NIPBL: variants seen among roughly 807,000 people sequenced by gnomAD.
NIPBL encodes NIPBL cohesin loading factor.
Under a neutral mutation model 321.8 loss-of-function variants are expected in NIPBL, and 19 were observed. The observed-to-expected ratio is 0.06, with a 90% CI of 0.04 to 0.09. NIPBL has a LOEUF of 0.09. Among genes scored for constraint, NIPBL ranks in the 10% least tolerant of loss-of-function variants. The pLI, the probability that NIPBL is intolerant of heterozygous loss-of-function variation, is 1.00. For missense variants in NIPBL, 2,210 were observed against 3,327.0 expected (o/e 0.66, Z 8.26); for synonymous variants, 1,106 against 1,114.1 (o/e 0.99, Z 0.14).
At chr5:36,952,059 C>T (rs775591977) in intron 1 of NIPBL, among the ~76,000 whole-genome samples, 14,677 of 73,940 alleles carry the variant, frequency 0.2, 876 homozygotes, top group Admixed American at 0.31. Context: ...TGTGTGCGCG[C>T]GCGCGCGCGC....
intron 9 of NIPBL, among the ~76,000 whole-genome samples, chr5:36,977,834 AC>A (rs1743669065): frequency 6.6e-6 from 1 of 151,360 alleles, no homozygotes; most frequent in Non-Finnish European, 1.5e-5. Flanking sequence ...TTGAATTCCC[AC>A]TTATAAGTGA....
chr5:36,952,557 A>G (rs1740512094), intron 1 of NIPBL, among the ~76,000 whole-genome samples: 1 of 152,212 alleles, frequency 6.6e-6, no homozygotes, highest in African/African-American at 2.4e-5. Flanking sequence ...TACAAGCCAT[A>G]TGTTGAAAAT....
At chr5:36,937,206 G>T (rs181214668) in intron 1 of NIPBL, among the ~76,000 whole-genome samples, 1 of 152,260 alleles carries the variant, frequency 6.6e-6, no homozygotes, top group African/African-American at 2.4e-5. Context: ...CCTGCCTGAG[G>T]CTTCTGTCTA....
At chr5:36,895,036 G>A (rs1481709164) in intron 1 of NIPBL, among the ~76,000 whole-genome samples, 1 of 152,102 alleles carries the variant, frequency 6.6e-6, no homozygotes, top group African/African-American at 2.4e-5. Context: ...CCCTTTTAAA[G>A]TGTAAAACTC....
chr5:36,890,670 G>A (rs1746256068), intron 1 of NIPBL, among the ~76,000 whole-genome samples: 1 of 152,170 alleles, frequency 6.6e-6, no homozygotes, highest in South Asian at 2.1e-4. Context: ...CTTAACCCAA[G>A]CCCATGTCTT....
chr5:37,044,287 C>G, intron 34 of NIPBL, 60 bp from the exon 35 acceptor site: 1 of 1,483,968 alleles, frequency 6.7e-7, no homozygotes, highest in African/African-American at 1.4e-5. Context: ...ATACGTAAAG[C>G]TGTATATAGT....
chr5:36,980,372 G>A (rs1743999689), intron 9 of NIPBL, among the ~76,000 whole-genome samples: 1 of 151,612 alleles, frequency 6.6e-6, no homozygotes, highest in Non-Finnish European at 1.5e-5. Context: ...TCATATTATT[G>A]TTGTCATTTC....
chr5:36,929,049 G>A (rs754216339), intron 1 of NIPBL, among the ~76,000 whole-genome samples: 7,856 of 152,188 alleles, frequency 0.052, 280 homozygotes, highest in Middle Eastern at 0.082. Context: ...TGGGTCATAT[G>A]ATAATTAACT....
chr5:36,927,104 T>G (rs1265956614), intron 1 of NIPBL, among the ~76,000 whole-genome samples: 2 of 152,188 alleles, frequency 1.3e-5, no homozygotes, highest in Admixed American at 1.3e-4. Flanking sequence ...TGATTAACAG[T>G]GTACTATCAT....
In NIPBL at chr5:36,885,669, A is replaced by G. The variant is rs550723931; in HGVS notation, c.-80+8491A>G. On this transcript the variant is annotated intron_variant, in intron 1 of 46. Transcript: ENST00000282516. Reference sequence around the variant, plus strand: ...GCCTGCATTGTTCTGCAGATTGACAATGCCTACCTTGCTGCTGATGGCTTT... The same window carrying G: ...GCCTGCATTGTTCTGCAGATTGACAGTGCCTACCTTGCTGCTGATGGCTTT... The G allele has an allele frequency of 8.1e-4, 461 of 566,756 alleles. 10 individuals are homozygous for G. The highest frequency in any genetic ancestry group is 6.5e-3 in the South Asian group (442 of 68,018). The allele number at this position is 566,756 out of a possible 1,614,324, so 35.1% of individuals were successfully genotyped here.
chr5:36,954,761 A>T (rs1230278180), intron 2 of NIPBL, among the ~76,000 whole-genome samples: 1 of 152,194 alleles, frequency 6.6e-6, no homozygotes, highest in Non-Finnish European at 1.5e-5. Flanking sequence ...TATACTGTAT[A>T]GGTGATTAGA....
chr5:36,916,386 G>C (rs554462899), intron 1 of NIPBL, among the ~76,000 whole-genome samples: 57 of 152,246 alleles, frequency 3.7e-4, no homozygotes, highest in African/African-American at 9.4e-4. Context: ...GTATCTCTTT[G>C]GGTTTTTAAA....
intron 1 of NIPBL, among the ~76,000 whole-genome samples, chr5:36,909,131 A>T (rs931461588): frequency 2.0e-5 from 3 of 152,070 alleles, no homozygotes; most frequent in African/African-American, 7.2e-5. Flanking sequence ...CTGCCCTGTG[A>T]TTTTGTGTCC....
chr5:36,966,471 A>T (rs957765744), intron 6 of NIPBL, among the ~76,000 whole-genome samples: 4 of 152,108 alleles, frequency 2.6e-5, no homozygotes, highest in Non-Finnish European at 5.9e-5. Context: ...TCTTATCATT[A>T]TCATAAAATG....
intron 1 of NIPBL, among the ~76,000 whole-genome samples, chr5:36,909,712 G>A (rs965066096): frequency 2.0e-5 from 3 of 152,048 alleles, no homozygotes; most frequent in Non-Finnish European, 2.9e-5. Context: ...CATGCTATAC[G>A]TTTATTATTT....
At chr5:36,997,476 C>T (rs895112772) in intron 11 of NIPBL, among the ~76,000 whole-genome samples, 3 of 152,166 alleles carry the variant, frequency 2.0e-5, no homozygotes, top group African/African-American at 7.2e-5. Flanking sequence ...TTCTTTTCCC[C>T]TTGCTTTCTA....
chr5:36,933,401 A>G (rs776806082), intron 1 of NIPBL, among the ~76,000 whole-genome samples: 13 of 152,026 alleles, frequency 8.6e-5, no homozygotes, highest in Admixed American at 2.0e-4. Context: ...AATACTTGAT[A>G]TGTTTATATA....
chr5:36,979,024 T>C (rs1203871230), intron 9 of NIPBL, among the ~76,000 whole-genome samples: 1 of 152,010 alleles, frequency 6.6e-6, no homozygotes, highest in Non-Finnish European at 1.5e-5. Context: ...CCTAATATGA[T>C]GCCACCAGCT....
At chr5:36,890,293 T>G (rs894346245) in intron 1 of NIPBL, among the ~76,000 whole-genome samples, 2 of 152,206 alleles carry the variant, frequency 1.3e-5, no homozygotes, top group African/African-American at 4.8e-5. Flanking sequence ...TAGAATCTCT[T>G]AAGTGGAAGT....
Sources: gnomAD v4.1 joint callset for allele counts (sites outside exome capture counted in the v4.1 genomes callset) on GRCh38, gnomAD v4.1.1 for gene constraint, MANE v1.5 for transcripts, NCBI Gene and HGNC (gene_info 2026-07-23, HGNC 2026-07-21) for gene names.